Variants in TMLHE observed in about 807,000 individuals in gnomAD.
The protein encoded by TMLHE is trimethyllysine hydroxylase, epsilon.
Under a neutral mutation model 25.7 loss-of-function variants are expected in TMLHE, and 18 were observed. The observed-to-expected ratio is 0.70, with a 90% CI of 0.48 to 1.04. The LOEUF (loss-of-function observed/expected upper bound fraction) is 1.04, where lower values mean the gene tolerates loss of function less well. Among genes scored for constraint, TMLHE ranks in the 50% least tolerant of loss-of-function variants. The pLI is 0.00. For synonymous variants in TMLHE, 105 were observed against 97.0 expected, an observed-to-expected ratio of 1.08 and a Z score of -0.49; for missense variants, 236 against 259.0, an observed-to-expected ratio of 0.91 and a Z score of 0.61.
At chrX:155,569,630 G>T (rs1320005430) in intron 1 of TMLHE, among the ~76,000 whole-genome samples, 2 of 55,636 alleles carry the variant, frequency 3.6e-5, no homozygotes, top group Admixed American at 4.1e-4. Flanking sequence ...GACTAACAGT[G>T]GATCTCTCGG....
chrX:155,611,501 T>C (rs1403682754), intron 1 of TMLHE: 1 of 110,962 alleles, frequency 9.0e-6, no homozygotes, highest in Non-Finnish European at 1.9e-5. Context: ...ACAGAACAAA[T>C]GGTGGTTCCT....
At chrX:155,544,560 T>A (rs1307010810) in intron 2 of TMLHE, among the ~76,000 whole-genome samples, 1 of 112,031 alleles carries the variant, frequency 8.9e-6, no homozygotes, top group Non-Finnish European at 1.9e-5. Flanking sequence ...ACACTGTTGT[T>A]TTAAATCACC....
At chrX:155,588,946 T>C (rs1312228561) in intron 1 of TMLHE, among the ~76,000 whole-genome samples, 1 of 111,800 alleles carries the variant, frequency 8.9e-6, no homozygotes, top group Admixed American at 9.5e-5. Flanking sequence ...AAAAATAGAA[T>C]TACCATATGA....
chrX:155,529,350 C>A (rs1455708238), intron 2 of TMLHE, among the ~76,000 whole-genome samples: 1 of 112,043 alleles, frequency 8.9e-6, no homozygotes, highest in Non-Finnish European at 1.9e-5. Context: ...TTTTAAGACT[C>A]TGGAAATTGT....
At chrX:155,522,547 G>C (rs1557335901) in intron 3 of TMLHE, among the ~76,000 whole-genome samples, 2 of 111,693 alleles carry the variant, frequency 1.8e-5, no homozygotes, top group African/African-American at 6.5e-5. Flanking sequence ...AGCTACATCC[G>C]CCACCTCCTA....
chrX:155,545,989 G>T (rs1212868606), intron 1 of TMLHE, among the ~76,000 whole-genome samples: 4 of 109,354 alleles, frequency 3.7e-5, no homozygotes, highest in African/African-American at 1.0e-4. Flanking sequence ...CATCCTTCTG[G>T]GTCTCTCTGC....
chrX:155,569,397 T>C (rs1336440873), intron 1 of TMLHE, among the ~76,000 whole-genome samples: 1 of 57,619 alleles, frequency 1.7e-5, no homozygotes, highest in African/African-American at 4.2e-5. Context: ...TGGAACCAAG[T>C]TGGAAAACAT....
intron 1 of TMLHE, among the ~76,000 whole-genome samples, chrX:155,554,130 G>A (rs781908026): frequency 3.6e-4 from 40 of 110,088 alleles, no homozygotes; most frequent in Non-Finnish European, 6.8e-4. Flanking sequence ...AGCCTCTTGA[G>A]TAGCTGGGAC....
At chrX:155,551,419 G>A (rs782008047) in intron 1 of TMLHE, among the ~76,000 whole-genome samples, 24 of 90,065 alleles carry the variant, frequency 2.7e-4, no homozygotes, top group African/African-American at 9.9e-4. Flanking sequence ...GGGTCAAATC[G>A]TAATTCTAGT....
At chrX:155,535,511 G>T (rs2067273564) in intron 2 of TMLHE, among the ~76,000 whole-genome samples, 1 of 111,846 alleles carries the variant, frequency 8.9e-6, no homozygotes, top group Non-Finnish European at 1.9e-5. Flanking sequence ...AGCTCTCAAA[G>T]GTTCCATCTT....
intron 2 of TMLHE, among the ~76,000 whole-genome samples, chrX:155,527,440 A>G (rs782424210): frequency 3.9e-4 from 44 of 112,135 alleles, no homozygotes; most frequent in African/African-American, 1.4e-3. Flanking sequence ...CTGTGAGTCA[A>G]TTAAACTTCT....
chrX:155,579,025 A>G (rs2067608419), intron 1 of TMLHE, among the ~76,000 whole-genome samples: 1 of 112,065 alleles, frequency 8.9e-6, no homozygotes, highest in South Asian at 3.6e-4. Context: ...ATAGCTACAA[A>G]AAATAAAATA....
At chrX:155,596,903 G>C (rs1034841904) in intron 1 of TMLHE, among the ~76,000 whole-genome samples, 1 of 109,541 alleles carries the variant, frequency 9.1e-6, no homozygotes, top group African/African-American at 3.3e-5. Context: ...TATACTTTAA[G>C]TTTTAGGGTA....
At chrX:155,600,538 A>G (rs1237534865) in intron 1 of TMLHE, among the ~76,000 whole-genome samples, 3 of 112,220 alleles carry the variant, frequency 2.7e-5, no homozygotes, top group African/African-American at 9.7e-5. Context: ...TCCTCCACAA[A>G]GAAGAACCAA....
intron 4 of TMLHE, among the ~76,000 whole-genome samples, chrX:155,513,575 G>A (rs1486990541): frequency 9.0e-6 from 1 of 110,703 alleles, no homozygotes; most frequent in Non-Finnish European, 1.9e-5. Context: ...TTGAACAGAT[G>A]GGAAAATAGA....
In TMLHE at chrX:155,568,084, A is replaced by C. The variant is rs1276382885; in HGVS notation, c.-1-22807T>G. ...GGTCAGGGAGTTCCCTTTCCTAGTCAAAGAAAGGGGTGACAGATGGCACCT... is the reference window on the plus strand; with the variant it reads ...GGTCAGGGAGTTCCCTTTCCTAGTCCAAGAAAGGGGTGACAGATGGCACCT... On this transcript the variant is annotated intron_variant, in intron 1 of 7. Transcript: ENST00000334398. Among the ~76,000 whole-genome samples the C allele has an allele frequency of 4.6e-4, 28 of 61,380 alleles. 6 individuals are homozygous for C. Among genetic ancestry groups the C allele is most frequent in the Admixed American group, 1.3e-3 (7 of 5,255 alleles). 53.3% of individuals were successfully genotyped at this position (61,380 alleles called of 115,157 possible). A position where few individuals can be genotyped will look rare whatever the true frequency, so the allele number is the denominator to read the frequency against.
chrX:155,547,149 CTTTT>C (rs1162368789), intron 1 of TMLHE, among the ~76,000 whole-genome samples: 2 of 103,483 alleles, frequency 1.9e-5, no homozygotes, highest in African/African-American at 7.0e-5. Flanking sequence ...CTAATAGGTA[CTTTT>C]TTTTTTTTTG....
intron 1 of TMLHE, among the ~76,000 whole-genome samples, chrX:155,553,806 C>T (rs1473814898): frequency 9.1e-6 from 1 of 109,628 alleles, no homozygotes; most frequent in East Asian, 2.8e-4. Context: ...AATTCTTATA[C>T]ATTCTTTTAC....
intron 1 of TMLHE, among the ~76,000 whole-genome samples, chrX:155,558,644 G>C (rs1445411593): frequency 3.6e-5 from 4 of 111,865 alleles, no homozygotes; most frequent in Admixed American, 9.5e-5. Context: ...TTTTGCTTAA[G>C]TAAATAATAT....
Sources: gnomAD v4.1 joint callset for allele counts (sites outside exome capture counted in the v4.1 genomes callset) on GRCh38, gnomAD v4.1.1 for gene constraint, MANE v1.5 for transcripts, NCBI Gene and HGNC (gene_info 2026-07-23, HGNC 2026-07-21) for gene names.